EFL1: variants seen among roughly 807,000 people sequenced by gnomAD.
The protein encoded by EFL1 is elongation factor like GTPase 1, also known as elongation factor-like GTPase 1.
A neutral mutation model predicts 126.7 loss-of-function variants in EFL1; 76 were observed. The ratio of observed to expected loss-of-function variants is 0.60; its 90% CI spans 0.50 to 0.73. EFL1 has a LOEUF of 0.73. Among genes scored for constraint, EFL1 ranks in the 30% least tolerant of loss-of-function variants. EFL1 has a pLI of 0.00. For synonymous variants in EFL1, 410 were observed against 448.4 expected (o/e 0.91, Z 1.08); for missense variants, 1,128 against 1,343.2 (o/e 0.84, Z 2.50).
intron 4 of EFL1, among the ~76,000 whole-genome samples, chr15:82,251,651 A>C (rs917549907): frequency 1.3e-5 from 2 of 152,082 alleles, no homozygotes; most frequent in African/African-American, 4.8e-5. Context: ...TTTAAAAAAA[A>C]ATGAAGCGTT....
intron 15 of EFL1, among the ~76,000 whole-genome samples, chr15:82,169,415 T>C (rs1261984407): frequency 6.6e-6 from 1 of 151,972 alleles, no homozygotes; most frequent in Non-Finnish European, 1.5e-5. Context: ...TACAGAGAAA[T>C]TAGAGAGAAC....
intron 7 of EFL1, among the ~76,000 whole-genome samples, chr15:82,237,438 G>A (rs1338085502): frequency 1.3e-5 from 2 of 152,118 alleles, no homozygotes; most frequent in South Asian, 2.1e-4. Flanking sequence ...TTAGGAAAAC[G>A]CAAATTAAAA....
intron 15 of EFL1, among the ~76,000 whole-genome samples, chr15:82,199,425 T>TTC (rs1387882400): frequency 1.3e-5 from 2 of 152,196 alleles, no homozygotes; most frequent in Admixed American, 6.5e-5. Context: ...GCAAAAGTAG[T>TTC]TCTGGCTGCT....
chr15:82,163,328 G>C (rs927062979), intron 16 of EFL1, among the ~76,000 whole-genome samples: 1 of 152,132 alleles, frequency 6.6e-6, no homozygotes, highest in Non-Finnish European at 1.5e-5. Context: ...GATGACCTGC[G>C]GTCAGGAGTT....
intron 7 of EFL1, among the ~76,000 whole-genome samples, chr15:82,234,448 T>A (rs1162910479): frequency 1.3e-5 from 2 of 152,162 alleles, no homozygotes; most frequent in East Asian, 3.8e-4. Context: ...ACAATTTCTA[T>A]TTTCATCATA....
At chr15:82,184,546 A>T (rs2074283737) in intron 15 of EFL1, among the ~76,000 whole-genome samples, 1 of 152,240 alleles carries the variant, frequency 6.6e-6, no homozygotes, top group Admixed American at 6.5e-5. Context: ...TTCACATTAA[A>T]GCAGCACCCA....
At chr15:82,203,608 C>T (rs1469890119) in intron 15 of EFL1, among the ~76,000 whole-genome samples, 2 of 152,114 alleles carry the variant, frequency 1.3e-5, no homozygotes, top group South Asian at 2.1e-4. Context: ...CTCCCAACCT[C>T]GTGATCCACT....
At chr15:82,211,020 CAT>C (rs1277180804) in intron 15 of EFL1, among the ~76,000 whole-genome samples, 1 of 151,822 alleles carries the variant, frequency 6.6e-6, no homozygotes, top group Non-Finnish European at 1.5e-5. Flanking sequence ...AACTGGAACA[CAT>C]AGATTATTTC....
Position 82,262,047 on chromosome 15 carries a change from A to C in EFL1, c.-19-250T>G, listed in dbSNP as rs3973875. 5.9e-3 allele frequency: 2,156 copies of C among 364,066 alleles called. 42 individuals are homozygous for C. Among genetic ancestry groups the C allele is most frequent in the African/African-American group, 0.041 (2,011 of 48,512 alleles). 22.6% of individuals were successfully genotyped at this position (364,066 alleles called of 1,614,324 possible). On this transcript the variant is annotated intron_variant, in intron 1 of 19. Coordinates refer to ENST00000268206, the MANE Select transcript of EFL1 (RefSeq NM_024580.6). ...ATCCAAAGGCTGCGATGAATCACGC[A>C]GCTCGAGGGGACTGGGTGCACAGTG... is the stretch of plus-strand genomic sequence containing the variant.
intron 17 of EFL1, 55 bp from the exon 18 acceptor site, chr15:82,152,478 G>T (rs2079283676): frequency 1.4e-6 from 2 of 1,447,650 alleles, no homozygotes; most frequent in Non-Finnish European, 1.9e-6. Context: ...TAGCATCAAA[G>T]CTCCTGTGTA....
At position 82,204,687 on chromosome 15, in the gene EFL1, C is replaced by A. The variant is rs558339250; in HGVS notation, c.1750+10030G>T. The stretch of plus-strand genomic sequence containing the variant: ...AGGTCAAATGTCTCACTATCTGTTC[C>A]TTGAGCATGACCTTTGCTTGGCTCA... On this transcript the variant is annotated intron_variant, in intron 15 of 19. Transcript: ENST00000268206. Among the ~76,000 whole-genome samples the A allele has an allele frequency of 2.0e-5, 3 of 152,296 alleles. No homozygotes were observed. In the East Asian group the frequency reaches 5.8e-4, roughly 29 times the overall value.
At chr15:82,217,373 G>GAAAAAAAAAAAAAAAAA in intron 14 of EFL1, among the ~76,000 whole-genome samples, 1 of 27,150 alleles carries the variant, frequency 3.7e-5, no homozygotes, top group African/African-American at 1.5e-4. Context: ...GATTAGATTT[G>GAAAAAAAAAAAAAAAAA]AAAAAAAAAA....
At chr15:82,141,292 C>G (rs1273803966) in intron 18 of EFL1, among the ~76,000 whole-genome samples, 3 of 152,158 alleles carry the variant, frequency 2.0e-5, no homozygotes, top group Admixed American at 6.5e-5. Context: ...TATTATTTGT[C>G]TGAGATATAT....
At chr15:82,233,417 T>C (rs1031218434) in intron 7 of EFL1, among the ~76,000 whole-genome samples, 7 of 152,208 alleles carry the variant, frequency 4.6e-5, no homozygotes, top group Non-Finnish European at 1.0e-4. Flanking sequence ...TACTGATCTA[T>C]TCATTGCCTA....
chr15:82,173,016 G>C (rs868283852), intron 15 of EFL1, among the ~76,000 whole-genome samples: 12 of 152,118 alleles, frequency 7.9e-5, no homozygotes, highest in Non-Finnish European at 1.5e-4. Flanking sequence ...GGTAGAGTTT[G>C]ACAGGGTTAA....
At chr15:82,168,597 C>T (rs1238003064) in intron 15 of EFL1, among the ~76,000 whole-genome samples, 7 of 152,144 alleles carry the variant, frequency 4.6e-5, no homozygotes, top group Admixed American at 1.3e-4. Context: ...CTGCAACCTC[C>T]GGCTCCTGGG....
In EFL1 at chr15:82,240,511, C is replaced by T. The variant is rs553252927; in HGVS notation, c.423G>A (p.Pro141=). The T allele has an allele frequency of 1.1e-5, 17 of 1,614,024 alleles. No individual in the cohort carries two copies. The highest frequency in any genetic ancestry group is 8.8e-5 in the South Asian group (8 of 91,068). ...GATCAATCTTATTAATCACTAAAACCGGACGGATGTTTTCAAGCCAAGCTT... is the reference window on the plus strand; with the variant it reads ...GATCAATCTTATTAATCACTAAAACTGGACGGATGTTTTCAAGCCAAGCTT... The part of the protein sequence containing the change: ...LRQAWLENIR[P]VLVINKIDRL... Residue 141 remains proline (P), a synonymous_variant, in exon 6 of 20, where the codon CCG becomes CCA. Coordinates refer to ENST00000268206, the MANE Select transcript of EFL1 (RefSeq NM_024580.6).
rs560932740 is a variant in EFL1 at position 82,151,692 on chromosome 15, C to T, written c.2762G>A (p.Cys921Tyr). The T allele has an allele frequency of 6.2e-7, 1 of 1,614,048 alleles. No homozygotes were observed. Among genetic ancestry groups the T allele is most frequent in the Admixed American group, 1.7e-5 (1 of 60,006 alleles). The change falls in exon 18 of 20, where the codon TGT becomes TAT. Residue 921 changes from cysteine (C) to tyrosine (Y), a missense_variant. This residue lies in a region of EFL1 where 561 missense variants were observed against 641.7 expected (regional missense o/e 0.87). Coordinates refer to ENST00000268206, the MANE Select transcript of EFL1 (RefSeq NM_024580.6). ...CTCTTGGTTTTCATTTCCACCAGAA[C>T]AGGTTTCATTTTCCTCCTGTCCCTC... is the stretch of plus-strand genomic sequence containing the variant. ...AKEGQEENET[C>Y]SGGNENQELQ...
At chr15:82,237,823 GC>G (rs1256186164) in intron 7 of EFL1, among the ~76,000 whole-genome samples, 1 of 151,400 alleles carries the variant, frequency 6.6e-6, no homozygotes, top group Non-Finnish European at 1.5e-5. Context: ...ATACTACTGA[GC>G]AACAGAAAGG....
Sources: allele counts gnomAD v4.1 joint callset (sites outside exome capture counted in the v4.1 genomes callset), GRCh38; gene constraint gnomAD v4.1.1; regional missense constraint gnomAD v4.1.1; transcripts MANE v1.5; gene names NCBI Gene and HGNC (gene_info 2026-07-23, HGNC 2026-07-21).